CFLAR: variants seen among roughly 807,000 people sequenced by gnomAD.
The protein encoded by CFLAR is CASP8 and FADD-like apoptosis regulator.
In CFLAR, 14 loss-of-function variants were observed where a neutral mutation model predicts 51.1. That is an observed-to-expected ratio of 0.27 (90% CI 0.18 to 0.43). The LOEUF (loss-of-function observed/expected upper bound fraction) is 0.43. Ranked by LOEUF, CFLAR falls within the 20% of genes least tolerant of loss-of-function variation. The probability of loss-of-function intolerance (pLI) is 1.00; values close to 1 mark genes in which losing one functional copy is unlikely to be tolerated. For missense variants in CFLAR, 390 were observed against 566.5 expected, an observed-to-expected ratio of 0.69 and a Z score of 3.16; for synonymous variants, 210 against 211.6, an observed-to-expected ratio of 0.99 and a Z score of 0.06.
chr2:201,175,736 GAAGA>G lies in CFLAR; in HGVS notation c.*11769_*11772del, dbSNP rs1346526595. Reference sequence around the variant, plus strand: ...AGCAACCTCAATTCTTTCCTCCTCAGAAGAAAGAATTTGACTGAGGGGCATAAGG... The same window carrying G: ...AGCAACCTCAATTCTTTCCTCCTCAGAAGAATTTGACTGAGGGGCATAAGG... On this transcript the variant is annotated 3_prime_UTR_variant, in exon 10 of 10. Transcript: ENST00000309955. 1 of 152,188 alleles carries G rather than the reference GAAGA, an allele frequency of 6.6e-6. No individual in the cohort carries two copies. Among genetic ancestry groups the G allele is most frequent in the Non-Finnish European group, 1.5e-5 (1 of 68,062 alleles). The allele number at this position is 152,188 out of a possible 1,614,324, so 9.4% of individuals were successfully genotyped here. A position where few individuals can be genotyped will look rare whatever the true frequency, so the allele number is the denominator to read the frequency against.
chr2:201,157,860 T>C (rs1490045647), intron 8 of CFLAR: 8 of 152,232 alleles, frequency 5.3e-5, no homozygotes, highest in African/African-American at 1.9e-4. Flanking sequence ...CACCACCTCA[T>C]AGAGGAAAAT....
At chr2:201,161,478 A>G (rs1051422827) in intron 9 of CFLAR, among the ~76,000 whole-genome samples, 2 of 151,036 alleles carry the variant, frequency 1.3e-5, no homozygotes, top group Non-Finnish European at 2.9e-5. Context: ...CATTGGCGCA[A>G]TCTTGGCTCA....
At chr2:201,147,692 AC>A (rs944103484) in intron 6 of CFLAR, 1 of 151,908 alleles carries the variant, frequency 6.6e-6, no homozygotes, top group Non-Finnish European at 1.5e-5. Context: ...ACACGGTGAA[AC>A]CCTGTCTCTA....
At chr2:201,121,525 T>C (rs971557103) in intron 1 of CFLAR, among the ~76,000 whole-genome samples, 5 of 152,234 alleles carry the variant, frequency 3.3e-5, no homozygotes, top group Admixed American at 1.3e-4. Flanking sequence ...GAATTTTTAT[T>C]TTCTTCTCTA....
chr2:201,157,152 G>A (rs148031047), intron 8 of CFLAR, among the ~76,000 whole-genome samples: 11 of 152,188 alleles, frequency 7.2e-5, no homozygotes, highest in African/African-American at 2.6e-4. Flanking sequence ...GGATCCTCAC[G>A]GTCACCTTTT....
intron 4 of CFLAR, chr2:201,137,967 C>A: frequency 2.7e-6 from 2 of 752,866 alleles, no homozygotes; most frequent in Non-Finnish European, 4.9e-6. Flanking sequence ...CTGGATGCCA[C>A]CATCGGCTAT....
chr2:201,138,114 C>T lies in CFLAR; in HGVS notation c.523+2007C>T, dbSNP rs2050389862. 7 of 762,798 alleles carry T rather than the reference C, an allele frequency of 9.2e-6. No individual in the cohort carries two copies. Among genetic ancestry groups the T allele is most frequent in the African/African-American group, 5.1e-5 (3 of 58,814 alleles). The allele number at this position is 762,798 out of a possible 1,614,324, so 47.3% of individuals were successfully genotyped here. On this transcript the variant is annotated intron_variant, in intron 4 of 9. Coordinates refer to ENST00000309955, the MANE Select transcript of CFLAR (RefSeq NM_003879.7). This position sits in a 1 kb window ranked among gnomAD's most constrained non-coding sequence, Gnocchi z 4.0. ...ATGCCCCTGCCCAGCCCATCCACAC[C>T]AGCGTCAATCAGGTTGTTGGCCTGG...
chr2:201,139,937 C>A, intron 4 of CFLAR: 1 of 179,110 alleles, frequency 5.6e-6, no homozygotes. Flanking sequence ...GAGAAAAACC[C>A]ACAGGTGTGG....
chr2:201,142,591 T>G (rs1041066452), intron 5 of CFLAR: 1 of 152,202 alleles, frequency 6.6e-6, no homozygotes, highest in African/African-American at 2.4e-5. Flanking sequence ...TCATACCATA[T>G]CTTAGAGCAT....
rs879062940 is a variant in CFLAR, at chr2:201,164,279, A to T, written c.*306A>T. ...CAATATAGCAAGATCCCATCTCTTTAAAAAAAAAAAAAAAGGACAGGAACT... is the reference window on the plus strand; with the variant it reads ...CAATATAGCAAGATCCCATCTCTTTTAAAAAAAAAAAAAAGGACAGGAACT... On this transcript the variant is annotated 3_prime_UTR_variant, in exon 10 of 10. Transcript: ENST00000309955. 1.3e-4 allele frequency: 6 copies of T among 45,488 alleles called. No homozygotes were observed. The highest frequency in any genetic ancestry group is 4.2e-4 in the South Asian group (1 of 2,366). 2.8% of individuals were successfully genotyped at this position (45,488 alleles called of 1,614,324 possible). A position where few individuals can be genotyped will look rare whatever the true frequency, so the allele number is the denominator to read the frequency against.
At chr2:201,156,123 A>T (rs1214658621) in intron 8 of CFLAR, among the ~76,000 whole-genome samples, 1 of 152,224 alleles carries the variant, frequency 6.6e-6, no homozygotes, top group Non-Finnish European at 1.5e-5. Context: ...ATTGAAGTAC[A>T]TCATATATTT....
chr2:201,144,649 G>A (rs1939728217), intron 5 of CFLAR, among the ~76,000 whole-genome samples: 1 of 152,154 alleles, frequency 6.6e-6, no homozygotes, highest in Non-Finnish European at 1.5e-5. Flanking sequence ...AGCCAGGTCT[G>A]TCTGGCCTAG....
chr2:201,163,471 G>A, intron 9 of CFLAR: 1 of 1,115,782 alleles, frequency 9.0e-7, no homozygotes, highest in Non-Finnish European at 1.1e-6. Context: ...CTCCTTAGTG[G>A]TGGCCCAGCA....
At chr2:201,139,025 A>C in intron 4 of CFLAR, 2 of 465,474 alleles carry the variant, frequency 4.3e-6, no homozygotes, top group South Asian at 1.6e-5. Flanking sequence ...AAGAGAGATC[A>C]GATTGTTACT....
chr2:201,117,888 T>A (rs1056156517), intron 1 of CFLAR, among the ~76,000 whole-genome samples: 13 of 151,932 alleles, frequency 8.6e-5, no homozygotes, highest in Admixed American at 8.5e-4. Context: ...CTCAAGTAGC[T>A]GAGATTACAG....
intron 2 of CFLAR, chr2:201,132,668 A>C (rs2049490271): frequency 5.6e-6 from 1 of 178,818 alleles, no homozygotes; most frequent in Non-Finnish European, 1.2e-5. Context: ...GGCTACTTCA[A>C]ATTCTATTTC....
intron 5 of CFLAR, chr2:201,141,381 CACCCTATGCCCATT>C: frequency 1.9e-6 from 3 of 1,558,332 alleles, no homozygotes; most frequent in Non-Finnish European, 2.6e-6. Context: ...CAGATGATAA[CACCCTATGCCCATT>C]GTCCTGATCT....
At chr2:201,145,547 CAAAAT>C in intron 6 of CFLAR, 115 bp downstream of exon 6, 1 of 716,642 alleles carries the variant, frequency 1.4e-6, no homozygotes, top group Non-Finnish European at 2.4e-6. Flanking sequence ...AGTAAGCTCT[CAAAAT>C]AAAAACTGGT....
intron 8 of CFLAR, among the ~76,000 whole-genome samples, chr2:201,159,926 A>G (rs529614285): frequency 6.6e-6 from 1 of 152,128 alleles, no homozygotes; most frequent in East Asian, 1.9e-4. Context: ...TTGGGATTGG[A>G]GGCTCCACTT....
Sources: allele counts gnomAD v4.1 joint callset (sites outside exome capture counted in the v4.1 genomes callset), GRCh38; gene constraint gnomAD v4.1.1; non-coding constraint Gnocchi (gnomAD v3.1); transcripts MANE v1.5; gene names NCBI Gene and HGNC (gene_info 2026-07-23, HGNC 2026-07-21).